The following LENG1 variants were observed in gnomAD, a reference collection of about 807,000 sequenced individuals.
LENG1 encodes the protein leukocyte receptor cluster member 1.
A neutral mutation model predicts 28.8 loss-of-function variants in LENG1; 35 were observed. That is an observed-to-expected ratio of 1.22 (90% CI 0.93 to 1.61). The LOEUF (loss-of-function observed/expected upper bound fraction) is 1.61. Ranked by LOEUF, LENG1 falls within the 40% of genes most tolerant of loss-of-function variation. The probability of loss-of-function intolerance (pLI) is 0.00; values close to 1 mark genes in which losing one functional copy is unlikely to be tolerated. For synonymous variants in LENG1, 170 were observed against 140.6 expected, an observed-to-expected ratio of 1.21 and a Z score of -1.48; for missense variants, 404 against 348.9, an observed-to-expected ratio of 1.16 and a Z score of -1.26.
intron 3 of LENG1, among the ~76,000 whole-genome samples, chr19:54,156,280 C>G (rs1423243166): frequency 1.3e-5 from 2 of 152,200 alleles, no homozygotes; most frequent in Non-Finnish European, 2.9e-5. Context: ...GTGCAGCATC[C>G]TGGAGACAGA....
At position 54,155,518 on chromosome 19, in the gene LENG1, C is replaced by T. The variant is rs369969117; in HGVS notation, c.*203G>A. 26 of 928,412 alleles carry T rather than the reference C, an allele frequency of 2.8e-5. No individual in the cohort carries two copies. Among genetic ancestry groups the T allele is most frequent in the Non-Finnish European group, 3.7e-5 (23 of 624,074 alleles). 57.5% of individuals were successfully genotyped at this position (928,412 alleles called of 1,614,324 possible). The stretch of plus-strand genomic sequence containing the variant: ...GAGGCCCCAAGCCACGGGGCATCCC[C>T]CTCTCCCAGGAAGCAGGGAGGGGGC... On this transcript the variant is annotated 3_prime_UTR_variant, in exon 4 of 4. Transcript: ENST00000222224.
intron 1 of LENG1, 40 bp from the exon 2 acceptor site, chr19:54,158,501 G>A: frequency 6.3e-7 from 1 of 1,581,456 alleles, no homozygotes; most frequent in Non-Finnish European, 8.6e-7. Flanking sequence ...AGAACCTAGA[G>A]GTAATTCAAG....
chr19:54,159,264 G>T (rs1364876977), intron 1 of LENG1, among the ~76,000 whole-genome samples: 2 of 152,252 alleles, frequency 1.3e-5, no homozygotes, highest in African/African-American at 2.4e-5. Flanking sequence ...GAATTTCCTT[G>T]AACTGTCCAA....
rs141419748 is a variant in LENG1, at chr19:54,158,401, C to A, written c.193G>T (p.Ala65Ser). 300 of 1,614,220 alleles carry A rather than the reference C, an allele frequency of 1.9e-4. No homozygotes were observed. The African/African-American group carries it at 3.7e-3, about 20-fold the overall frequency. ...RHQNSLPELEAAEAGAPGSGP... is the reference protein window; with the variant it reads ...RHQNSLPELESAEAGAPGSGP... ...GAACCTGGGGCTCCCGCCTCTGCTG[C>A]TTCAAGCTCAGGCAGTGAGTTCTGA... is the stretch of plus-strand genomic sequence containing the variant. Residue 65 changes from alanine to serine, a missense_variant, in exon 2 of 4, where the codon GCA (alanine) becomes TCA (serine). Ala to Ser is a moderately conservative substitution (Grantham distance 99, BLOSUM62 1). Transcript: ENST00000222224.
At position 54,155,756 on chromosome 19, in the gene LENG1, G is replaced by A. The variant is rs752227881; in HGVS notation, c.760C>T (p.Arg254Cys). ...AGGTGAGGGTCCTGCTGGCGGGGGC[G>A]CCGGGCCAGCTGGGGGTTGAATTGG... Reference protein sequence around the residue: ...NSQFNPQLARRPRQQDPHLTH With the variant: ...NSQFNPQLARCPRQQDPHLTH The change falls in exon 4 of 4, where the codon CGC (arginine) becomes TGC (cysteine). Residue 254 changes from arginine (R) to cysteine (C), a missense_variant. Arg to Cys is a radical substitution (Grantham distance 180, BLOSUM62 -3). Transcript: ENST00000222224. The A allele has an allele frequency of 8.7e-6, 14 of 1,609,674 alleles. No individual in the cohort carries two copies. The highest frequency in any genetic ancestry group is 4.4e-5 in the South Asian group (4 of 90,408).
rs761094429 is a variant in LENG1, at chr19:54,158,376, G to C, written c.218C>G (p.Ser73Cys). 7 of 1,614,198 alleles carry C rather than the reference G, an allele frequency of 4.3e-6. No homozygotes were observed. The highest frequency in any genetic ancestry group is 5.1e-6 in the Non-Finnish European group (6 of 1,180,040). Residue 73 changes from serine to cysteine, a missense_variant, in exon 2 of 4, where the codon TCT becomes TGT. Coordinates refer to ENST00000222224, the MANE Select transcript of LENG1 (RefSeq NM_024316.3). Reference sequence around the variant, plus strand: ...CTCCCGAAACAGGTCCACAGGGCCAGAACCTGGGGCTCCCGCCTCTGCTGC... The same window carrying C: ...CTCCCGAAACAGGTCCACAGGGCCACAACCTGGGGCTCCCGCCTCTGCTGC... The part of the protein sequence containing the change: ...LEAAEAGAPG[S>C]GPVDLFRELL...
At chr19:54,156,679 C>A in intron 3 of LENG1, 84 bp downstream of exon 3, 2 of 1,423,916 alleles carry the variant, frequency 1.4e-6, no homozygotes, top group Non-Finnish European at 9.5e-7. Flanking sequence ...GCTGTCCTGA[C>A]CAGAGACGCT....
In LENG1 at chr19:54,155,191, G is replaced by C. The variant is rs2075345469; in HGVS notation, c.*530C>G. 1 of 1,214,558 alleles carries C rather than the reference G, an allele frequency of 8.2e-7. No individual in the cohort carries two copies. The highest frequency in any genetic ancestry group is 1.4e-5 in the South Asian group (1 of 71,812). 75.2% of individuals were successfully genotyped at this position (1,214,558 alleles called of 1,614,324 possible). A position where few individuals can be genotyped will look rare whatever the true frequency, so the allele number is the denominator to read the frequency against. On this transcript the variant is annotated 3_prime_UTR_variant, in exon 4 of 4. Coordinates refer to ENST00000222224, the MANE Select transcript of LENG1 (RefSeq NM_024316.3). ...GATGAGAGTGTGTGCGTGCAGGGCA[G>C]CTGGCCCGGTGCCTGACACATCCAC...
At chr19:54,159,450 C>A in intron 1 of LENG1, 114 bp downstream of exon 1, 1 of 1,185,622 alleles carries the variant, frequency 8.4e-7, no homozygotes, top group Non-Finnish European at 1.1e-6. Flanking sequence ...GGCGCCTGGT[C>A]CCGAATTTCA....
chr19:54,156,003 TCCCATAGAGGGAGCTGCCGCCTGGAAGC>T (rs1395953081), intron 3 of LENG1, 63 bp from the exon 4 acceptor site: 1 of 1,436,710 alleles, frequency 7.0e-7, no homozygotes, highest in Non-Finnish European at 9.4e-7. Context: ...CCCCAACCTC[TCCCATAGAGGGAGCTGCCGCCTGGAAGC>T]CCCGCTGCAT....
At chr19:54,157,180 T>C (rs1161988833) in intron 2 of LENG1, among the ~76,000 whole-genome samples, 155 bp from the exon 3 acceptor site, 2 of 151,746 alleles carry the variant, frequency 1.3e-5, no homozygotes, top group African/African-American at 4.8e-5. Flanking sequence ...GAGGCAAAGC[T>C]CCCCCTGGGG....
rs372533185 is a variant in LENG1 at position 54,155,441 on chromosome 19, C to T, written c.*280G>A. The T allele has an allele frequency of 1.6e-4, 222 of 1,419,932 alleles. No individual in the cohort carries two copies. The highest frequency in any genetic ancestry group is 2.7e-4 in the Admixed American group (14 of 51,304). The allele number at this position is 1,419,932 out of a possible 1,614,324, so 88.0% of individuals were successfully genotyped here. ...CCTCCCTCTACCCACCCCCTTCCCC[C>T]GCATGCTGATCCCCCTGCCCAGGTG... On this transcript the variant is annotated 3_prime_UTR_variant, in exon 4 of 4. Transcript: ENST00000222224.
chr19:54,157,060 A>AATC (rs750380677), intron 2 of LENG1, 35 bp from the exon 3 acceptor site: 1 of 1,491,270 alleles, frequency 6.7e-7, no homozygotes, highest in South Asian at 1.4e-5. Flanking sequence ...GATGTGATAT[A>AATC]ATCTTTCAAG....
intron 1 of LENG1, 116 bp from the exon 2 acceptor site, chr19:54,158,577 G>T: frequency 1.0e-6 from 1 of 952,792 alleles, no homozygotes. Context: ...GAGAAAGGGA[G>T]CACTAGGCGC....
At chr19:54,156,063 T>A in intron 3 of LENG1, 123 bp from the exon 4 acceptor site, 1 of 833,546 alleles carries the variant, frequency 1.2e-6, no homozygotes, top group Non-Finnish European at 1.8e-6. Flanking sequence ...CAGCCTCAGC[T>A]CCTTAGGCCT....
chr19:54,158,870 A>G (rs2075445852), intron 1 of LENG1, among the ~76,000 whole-genome samples: 1 of 152,244 alleles, frequency 6.6e-6, no homozygotes, highest in African/African-American at 2.4e-5. Flanking sequence ...GATTTCAAAC[A>G]GCGCTCAGCA....
intron 3 of LENG1, among the ~76,000 whole-genome samples, chr19:54,156,438 T>G (rs146022127): frequency 2.6e-5 from 4 of 152,144 alleles, no homozygotes; most frequent in African/African-American, 9.7e-5. Context: ...CTAAGAAAGT[T>G]TGGACACAAG....
Position 54,155,626 on chromosome 19 carries a change from T to C in LENG1, c.*95A>G. On this transcript the variant is annotated 3_prime_UTR_variant, in exon 4 of 4. Coordinates refer to ENST00000222224, the MANE Select transcript of LENG1 (RefSeq NM_024316.3). ...CTCCCCTCCCCAGTGAGGGACATTT[T>C]TTGGTAAACCTATTTTCATTTTGGA... 4.6e-6 allele frequency: 6 copies of C among 1,299,924 alleles called. No individual in the cohort carries two copies. Among genetic ancestry groups the C allele is most frequent in the Non-Finnish European group, 6.3e-6 (6 of 947,560 alleles). The allele number at this position is 1,299,924 out of a possible 1,614,324, so 80.5% of individuals were successfully genotyped here.
intron 1 of LENG1, 101 bp from the exon 2 acceptor site, chr19:54,158,562 G>T (rs1422497145): frequency 2.9e-5 from 34 of 1,179,450 alleles, no homozygotes; most frequent in Non-Finnish European, 4.0e-5. Context: ...GGGTGCTGGG[G>T]TTATGAGAAA....
Sources: allele counts gnomAD v4.1 joint callset (sites outside exome capture counted in the v4.1 genomes callset), GRCh38; gene constraint gnomAD v4.1.1; transcripts MANE v1.5; gene names NCBI Gene and HGNC (gene_info 2026-07-23, HGNC 2026-07-21).